The following RELN variants were observed in gnomAD, a reference collection of about 807,000 sequenced individuals.
The protein encoded by RELN is reelin.
RELN carries 108 observed loss-of-function variants against 427.6 expected under a neutral mutation model. That is an observed-to-expected ratio of 0.25 (90% CI 0.22 to 0.30). RELN has a LOEUF of 0.30. Among genes scored for constraint, RELN ranks in the 10% least tolerant of loss-of-function variants. The probability of loss-of-function intolerance (pLI) is 1.00; values close to 1 mark genes in which losing one functional copy is unlikely to be tolerated. For synonymous variants in RELN, 1,524 were observed against 1,513.4 expected, an observed-to-expected ratio of 1.01 and a Z score of -0.16; for missense variants, 3,715 against 4,302.8, an observed-to-expected ratio of 0.86 and a Z score of 3.82.
chr7:103,487,458 T>TAAA (rs11371972), intron 60 of RELN, among the ~76,000 whole-genome samples: 6,353 of 127,906 alleles, frequency 0.05, 283 homozygotes, highest in African/African-American at 0.12. Context: ...GTTGTTACAG[T>TAAA]AAAAAAAAAA....
chr7:103,652,908 A>C, intron 13 of RELN, 149 bp from the exon 14 acceptor site: 15 of 728,780 alleles, frequency 2.1e-5, no homozygotes, highest in Non-Finnish European at 2.9e-5. Context: ...TTGTTATTTC[A>C]TGAAGAAGAT....
intron 6 of RELN, among the ~76,000 whole-genome samples, chr7:103,729,370 A>T (rs1790295868): frequency 6.6e-6 from 1 of 152,228 alleles, no homozygotes; most frequent in Non-Finnish European, 1.5e-5. Flanking sequence ...GCATAAAGCC[A>T]GGAGGCAGAA....
intron 6 of RELN, among the ~76,000 whole-genome samples, chr7:103,736,888 G>A (rs1272270614): frequency 6.6e-6 from 1 of 152,124 alleles, no homozygotes; most frequent in Non-Finnish European, 1.5e-5. Flanking sequence ...TTTCCCTGGA[G>A]CAATTACATC....
chr7:103,553,876 C>G (rs771230855), intron 38 of RELN, 45 bp from the exon 39 acceptor site: 3 of 1,506,804 alleles, frequency 2.0e-6, no homozygotes, highest in African/African-American at 2.8e-5. Flanking sequence ...TGATGAAAAT[C>G]AAATGAACAC....
chr7:103,911,194 A>G (rs1285486933), intron 2 of RELN, among the ~76,000 whole-genome samples: 3,574 of 114,172 alleles, frequency 0.031, 129 homozygotes, highest in South Asian at 0.048. Flanking sequence ...GTGGGCGAAG[A>G]GCATGAACAG....
chr7:103,900,480 G>A (rs574094602), intron 2 of RELN, among the ~76,000 whole-genome samples: 14 of 152,038 alleles, frequency 9.2e-5, no homozygotes, highest in African/African-American at 3.1e-4. Context: ...AAAAGAGCCC[G>A]CATAGCCAAG....
intron 2 of RELN, among the ~76,000 whole-genome samples, chr7:103,856,738 C>A (rs985225493): frequency 6.6e-6 from 1 of 152,170 alleles, no homozygotes; most frequent in East Asian, 1.9e-4. Context: ...CTGCAGGACA[C>A]TTATTCCTCC....
intron 2 of RELN, among the ~76,000 whole-genome samples, chr7:103,867,542 G>A (rs1794229246): frequency 6.6e-6 from 1 of 152,012 alleles, no homozygotes; most frequent in Non-Finnish European, 1.5e-5. Context: ...CATAAGAAAA[G>A]AATACAAATT....
intron 6 of RELN, among the ~76,000 whole-genome samples, chr7:103,734,550 C>T (rs1346412520): frequency 6.6e-6 from 1 of 152,126 alleles, no homozygotes; most frequent in Non-Finnish European, 1.5e-5. Context: ...AAAGCTTGAA[C>T]TTATTAAACC....
rs549889822 is a variant in RELN, at chr7:103,510,936, A to T, written c.8189T>A (p.Met2730Lys). 6.2e-7 allele frequency: 1 copy of T among 1,612,448 alleles called. No homozygotes were observed. The highest frequency in any genetic ancestry group is 1.1e-5 in the South Asian group (1 of 91,040). The stretch of plus-strand genomic sequence containing the variant: ...CCGTCCATCATGACTGCCACAGAGC[A>T]TCACACCATCAGGGGAGTCACAGAA... ...ERFCDSPDGV[M>K]LCGSHDGREV... Residue 2730 changes from methionine (M) to lysine (K), a missense_variant, in exon 51 of 65, where the codon ATG becomes AAG. Coordinates refer to ENST00000428762, the MANE Select transcript of RELN (RefSeq NM_005045.4).
At chr7:103,675,471 T>C (rs1470246161) in intron 11 of RELN, among the ~76,000 whole-genome samples, 1 of 152,148 alleles carries the variant, frequency 6.6e-6, no homozygotes, top group African/African-American at 2.4e-5. Context: ...CCCAAGGTAA[T>C]TTATAGATTC....
At chr7:103,918,900 C>T (rs1010837962) in intron 1 of RELN, among the ~76,000 whole-genome samples, 25 of 151,918 alleles carry the variant, frequency 1.6e-4, no homozygotes, top group Non-Finnish European at 2.8e-4. Context: ...TTTTAAAAGG[C>T]GTAAGTATGC....
intron 2 of RELN, among the ~76,000 whole-genome samples, chr7:103,877,788 A>G (rs924508878): frequency 2.0e-5 from 3 of 150,306 alleles, no homozygotes; most frequent in African/African-American, 7.4e-5. Context: ...TCCTGCCTCC[A>G]GGCCCTCCCT....
intron 11 of RELN, among the ~76,000 whole-genome samples, chr7:103,673,050 G>A (rs1195874408): frequency 6.6e-6 from 1 of 152,076 alleles, no homozygotes; most frequent in East Asian, 1.9e-4. Flanking sequence ...CAAATATACA[G>A]CTTATTTTTC....
chr7:103,806,003 G>C (rs76004751), intron 3 of RELN, among the ~76,000 whole-genome samples: 5 of 152,132 alleles, frequency 3.3e-5, no homozygotes, highest in African/African-American at 1.2e-4. Context: ...GTAAGGAGAA[G>C]TCAAGCTTTT....
In RELN at chr7:103,855,563, T is replaced by C. The variant is rs34356241; in HGVS notation, c.338-21891A>G. Among the ~76,000 whole-genome samples the C allele has an allele frequency of 2.2e-4, 33 of 152,238 alleles. 1 individual carries two copies. The East Asian group carries it at 6.4e-3, about 29-fold the overall frequency. On this transcript the variant is annotated intron_variant, in intron 2 of 64. Transcript: ENST00000428762. ...AGAAGAGAGGCAGAAAGGATTTTGA[T>C]TTGAATTCCTTGCTTTATGCCATTT...
At chr7:103,555,748 C>A (rs918400341) in intron 38 of RELN, among the ~76,000 whole-genome samples, 4 of 152,194 alleles carry the variant, frequency 2.6e-5, no homozygotes, top group African/African-American at 9.7e-5. Flanking sequence ...GCTGGGATTA[C>A]AGTTGTGAGC....
Position 103,515,269 on chromosome 7 carries a change from C to G in RELN, c.8035G>C (p.Val2679Leu). The change falls in exon 50 of 65, where the codon GTA (valine) becomes CTA (leucine). Residue 2679 changes from valine (V) to leucine (L), a missense_variant. Physicochemically the swap from Val to Leu is conservative, Grantham distance 32 (BLOSUM62 1). Transcript: ENST00000428762. Reference protein sequence around the residue: ...VMLDTFSSAPVPQHERSPADA... With the variant: ...VMLDTFSSAPLPQHERSPADA... ...GCAGGGGAGCGCTCATGCTGGGGTA[C>G]TGGGGCGCTGCTGAAGGTGTCCAGC... is the stretch of plus-strand genomic sequence containing the variant. The G allele has an allele frequency of 6.2e-7, 1 of 1,614,192 alleles. No homozygotes were observed. The highest frequency in any genetic ancestry group is 8.5e-7 in the Non-Finnish European group (1 of 1,180,028).
intron 1 of RELN, among the ~76,000 whole-genome samples, chr7:103,920,573 TTTTTTG>T (rs1795592862): frequency 3.5e-5 from 4 of 113,582 alleles, no homozygotes; most frequent in African/African-American, 1.3e-4. Flanking sequence ...TTTGGTTTTT[TTTTTTG>T]TTTTTTTTTT....
Sources: allele counts gnomAD v4.1 joint callset (sites outside exome capture counted in the v4.1 genomes callset), GRCh38; gene constraint gnomAD v4.1.1; transcripts MANE v1.5; gene names NCBI Gene and HGNC (gene_info 2026-07-23, HGNC 2026-07-21).